The following C12orf42 variants were observed in gnomAD, a reference collection of about 807,000 sequenced individuals.
C12orf42 encodes the protein uncharacterized protein C12orf42.
A neutral mutation model predicts 21.6 loss-of-function variants in C12orf42; 25 were observed. That is an observed-to-expected ratio of 1.16 (90% CI 0.84 to 1.62). C12orf42 has a LOEUF of 1.62. C12orf42 is among the 40% of genes most tolerant of loss of function. The probability of loss-of-function intolerance (pLI) is 0.00; values close to 1 mark genes in which losing one functional copy is unlikely to be tolerated. For missense variants in C12orf42, 483 were observed against 459.3 expected (o/e 1.05, Z -0.47); for synonymous variants, 174 against 175.0 (o/e 0.99, Z 0.05).
intron 4 of C12orf42, among the ~76,000 whole-genome samples, chr12:103,278,068 C>T (rs1358765497): frequency 1.6e-4 from 24 of 151,858 alleles, no homozygotes; most frequent in Non-Finnish European, 2.9e-5. Context: ...GAATTGCACC[C>T]AGAATTTCAT....
intron 10 of C12orf42, among the ~76,000 whole-genome samples, chr12:103,248,461 T>C (rs2034120288): frequency 6.6e-6 from 1 of 152,072 alleles, no homozygotes; most frequent in Non-Finnish European, 1.5e-5. Context: ...GTCAAGGCAA[T>C]TATGCATTTA....
intron 4 of C12orf42, among the ~76,000 whole-genome samples, chr12:103,363,053 A>G (rs1470321823): frequency 6.6e-6 from 1 of 152,114 alleles, no homozygotes; most frequent in African/African-American, 2.4e-5. Flanking sequence ...TCATTAGGTT[A>G]CCTAAAGTCA....
chr12:103,280,046 A>G (rs979031448), intron 4 of C12orf42, among the ~76,000 whole-genome samples: 1 of 152,222 alleles, frequency 6.6e-6, no homozygotes, highest in African/African-American at 2.4e-5. Flanking sequence ...AACATCAACA[A>G]TAATAATATT....
chr12:103,325,184 C>T (rs576956079), intron 4 of C12orf42, among the ~76,000 whole-genome samples: 1 of 152,292 alleles, frequency 6.6e-6, no homozygotes, highest in East Asian at 1.9e-4. Flanking sequence ...CATAGAAGAA[C>T]TGATTACATG....
At chr12:103,390,446 A>G (rs1298384390) in intron 3 of C12orf42, among the ~76,000 whole-genome samples, 1 of 152,168 alleles carries the variant, frequency 6.6e-6, no homozygotes, top group Non-Finnish European at 1.5e-5. Context: ...CCATTAATCT[A>G]TAACTCCCAA....
the C12orf42 span, among the ~76,000 whole-genome samples, chr12:103,147,498 T>C: frequency 8.6e-6 from 1 of 116,388 alleles, no homozygotes; most frequent in Non-Finnish European, 1.7e-5. Flanking sequence ...TTTTTCTTTT[T>C]TTTTCTTTTT....
chr12:103,089,302 T>C, the C12orf42 span, among the ~76,000 whole-genome samples: 1 of 152,000 alleles, frequency 6.6e-6, no homozygotes, highest in Non-Finnish European at 1.5e-5. Context: ...AATGGTGAGA[T>C]TTTTTAAAAG....
chr12:103,129,813 C>T, the C12orf42 span, among the ~76,000 whole-genome samples: 1 of 152,204 alleles, frequency 6.6e-6, no homozygotes, highest in Non-Finnish European at 1.5e-5. Context: ...GGCCTTCCAG[C>T]TTATCCTGGT....
At chr12:103,271,063 C>T (rs1251818466) in intron 5 of C12orf42, among the ~76,000 whole-genome samples, 2 of 151,984 alleles carry the variant, frequency 1.3e-5, no homozygotes, top group South Asian at 4.1e-4. Flanking sequence ...ATTTTTTTCA[C>T]AGCTCCAAAA....
chr12:103,338,447 T>C (rs1385698001), intron 4 of C12orf42, among the ~76,000 whole-genome samples: 1 of 152,238 alleles, frequency 6.6e-6, no homozygotes, highest in Admixed American at 6.5e-5. Flanking sequence ...GAAACTGATG[T>C]CATCCTGGGA....
chr12:103,229,788 T>C, the C12orf42 span, among the ~76,000 whole-genome samples: 2 of 152,226 alleles, frequency 1.3e-5, no homozygotes, highest in Non-Finnish European at 2.9e-5. Flanking sequence ...TTCTCTAACA[T>C]AGTATTCTAG....
At chr12:103,086,050 T>C in the C12orf42 span, among the ~76,000 whole-genome samples, 1 of 152,324 alleles carries the variant, frequency 6.6e-6, no homozygotes, top group South Asian at 2.1e-4. Context: ...TGTTAGATTT[T>C]TGGACACCTC....
intron 2 of C12orf42, among the ~76,000 whole-genome samples, chr12:103,457,737 C>A (rs1312259001): frequency 6.6e-6 from 1 of 152,156 alleles, no homozygotes; most frequent in Non-Finnish European, 1.5e-5. Flanking sequence ...TGTTTTTCTC[C>A]ACTTCCCACA....
chr12:103,186,394 G>T, the C12orf42 span, among the ~76,000 whole-genome samples: 4 of 152,120 alleles, frequency 2.6e-5, no homozygotes, highest in Admixed American at 2.6e-4. Flanking sequence ...AGTGATGGTG[G>T]TATGTAAGAG....
the C12orf42 span, among the ~76,000 whole-genome samples, chr12:103,521,932 G>A: frequency 2.6e-5 from 4 of 152,276 alleles, no homozygotes; most frequent in East Asian, 5.8e-4. Context: ...GCACAGAGTG[G>A]TGCTCAAAAG....
intron 2 of C12orf42, among the ~76,000 whole-genome samples, chr12:103,408,515 C>T (rs1218458434): frequency 1.3e-5 from 2 of 152,052 alleles, no homozygotes; most frequent in Non-Finnish European, 2.9e-5. Context: ...TTCTTTTTAT[C>T]TAAGAAGATA....
Position 103,484,161 on chromosome 12 carries a change from G to A in C12orf42, c.-21-5714C>T, listed in dbSNP as rs147521399. 1.9e-3 allele frequency among the ~76,000 whole-genome samples: 293 copies of A among 152,220 alleles called. 1 individual carries two copies. Among genetic ancestry groups the A allele is most frequent in the Non-Finnish European group, 3.5e-3 (239 of 68,000 alleles). On this transcript the variant is annotated intron_variant, in intron 1 of 5. Transcript: ENST00000548883. Reference sequence around the variant, plus strand: ...CTTTATAGTAGCATGATTTATAATCGTTTGTGTATATACCCAGTAATGGGA... The same window carrying A: ...CTTTATAGTAGCATGATTTATAATCATTTGTGTATATACCCAGTAATGGGA...
At chr12:103,122,905 T>C in the C12orf42 span, among the ~76,000 whole-genome samples, 3 of 152,026 alleles carry the variant, frequency 2.0e-5, no homozygotes, top group Admixed American at 2.0e-4. Flanking sequence ...GTGTTGAGGA[T>C]ATATGAAGAG....
At chr12:103,220,004 A>G in the C12orf42 span, among the ~76,000 whole-genome samples, 4 of 152,224 alleles carry the variant, frequency 2.6e-5, no homozygotes, top group African/African-American at 9.6e-5. Context: ...AAGACTTGGA[A>G]CCAACCCAAA....
Sources: allele counts gnomAD v4.1 joint callset (sites outside exome capture counted in the v4.1 genomes callset), GRCh38; gene constraint gnomAD v4.1.1; transcripts MANE v1.5; gene names NCBI Gene and HGNC (gene_info 2026-07-23, HGNC 2026-07-21).